The following RYR2 variants were observed in gnomAD, a reference collection of about 807,000 sequenced individuals.
RYR2 encodes the protein ryanodine receptor 2.
A neutral mutation model predicts 601.1 loss-of-function variants in RYR2; 227 were observed. The ratio of observed to expected loss-of-function variants is 0.38; its 90% CI spans 0.34 to 0.42. RYR2 has a LOEUF of 0.42. Ranked by LOEUF, RYR2 falls within the 10% of genes least tolerant of loss-of-function variation. The pLI, the probability that RYR2 is intolerant of heterozygous loss-of-function variation, is 1.00. For missense variants in RYR2, 4,646 were observed against 6,156.5 expected, an observed-to-expected ratio of 0.75 and a Z score of 8.21; for synonymous variants, 2,223 against 2,175.1, an observed-to-expected ratio of 1.02 and a Z score of -0.61.
At chr1:237,502,731 G>T (rs1004457067) in intron 21 of RYR2, among the ~76,000 whole-genome samples, 3 of 151,820 alleles carry the variant, frequency 2.0e-5, no homozygotes, top group Non-Finnish European at 4.4e-5. Flanking sequence ...AACAGGCCGC[G>T]GACTGGTACC....
At chr1:237,664,346 A>G (rs10925490) in intron 56 of RYR2, among the ~76,000 whole-genome samples, 10,155 of 152,250 alleles carry the variant, frequency 0.067, 542 homozygotes, top group Admixed American at 0.18. Flanking sequence ...GATGAAATGG[A>G]AAAAAATCTC....
intron 67 of RYR2, among the ~76,000 whole-genome samples, chr1:237,706,634 C>T (rs1048243357): frequency 1.3e-5 from 2 of 151,962 alleles, no homozygotes; most frequent in Admixed American, 6.6e-5. Flanking sequence ...GGAATGGAGG[C>T]CAAGGTGGAG....
intron 48 of RYR2, among the ~76,000 whole-genome samples, chr1:237,643,778 A>G (rs1251807044): frequency 6.6e-6 from 1 of 151,612 alleles, no homozygotes; most frequent in Admixed American, 6.6e-5. Context: ...ATGCCCGGCT[A>G]ATTTTTTTTG....
At chr1:237,367,775 C>A (rs1700320529) in intron 5 of RYR2, among the ~76,000 whole-genome samples, 1 of 152,140 alleles carries the variant, frequency 6.6e-6, no homozygotes, top group Non-Finnish European at 1.5e-5. Flanking sequence ...TTGCTTCCTC[C>A]TTCTTACACA....
At chr1:237,624,645 A>C (rs940786653) in intron 39 of RYR2, among the ~76,000 whole-genome samples, 5 of 152,212 alleles carry the variant, frequency 3.3e-5, no homozygotes, top group African/African-American at 9.7e-5. Context: ...GAAACCCTAC[A>C]TTAAGTTGTT....
chr1:237,424,286 T>C (rs1705893978), intron 12 of RYR2, among the ~76,000 whole-genome samples: 1 of 152,216 alleles, frequency 6.6e-6, no homozygotes, highest in Non-Finnish European at 1.5e-5. Context: ...GGCAAAACTT[T>C]GTTCTTTTAA....
At chr1:237,635,247 T>G (rs1680758175) in intron 44 of RYR2, among the ~76,000 whole-genome samples, 1 of 152,194 alleles carries the variant, frequency 6.6e-6, no homozygotes, top group South Asian at 2.1e-4. Flanking sequence ...TACATTATAT[T>G]GTAGTTAGAA....
At chr1:237,175,940 A>T (rs1677991185) in intron 1 of RYR2, among the ~76,000 whole-genome samples, 1 of 152,162 alleles carries the variant, frequency 6.6e-6, no homozygotes, top group Admixed American at 6.5e-5. Flanking sequence ...ATTTAAAGTT[A>T]TGTTTTCTGG....
At chr1:237,627,762 C>T (rs773322712) in intron 40 of RYR2, 45 bp from the exon 41 acceptor site, 15 of 1,509,552 alleles carry the variant, frequency 9.9e-6, no homozygotes, top group Non-Finnish European at 1.1e-5. Context: ...ACTGATTTGT[C>T]TTCTCTTATT....
chr1:237,594,886 G>GTTTTTTTTTTTT (rs776702428), intron 33 of RYR2, among the ~76,000 whole-genome samples: 2 of 60,420 alleles, frequency 3.3e-5, no homozygotes, highest in African/African-American at 9.5e-5. Flanking sequence ...ATATCACTGG[G>GTTTTTTTTTTTT]TTTTTTTTTT....
At chr1:237,079,716 C>T (rs1166239913) in intron 1 of RYR2, among the ~76,000 whole-genome samples, 1 of 140,048 alleles carries the variant, frequency 7.1e-6, no homozygotes, top group Non-Finnish European at 1.5e-5. Flanking sequence ...AGGTAATTTA[C>T]AGATTCAATG....
intron 4 of RYR2, among the ~76,000 whole-genome samples, chr1:237,358,743 T>C (rs1699519195): frequency 6.6e-6 from 1 of 152,034 alleles, no homozygotes; most frequent in African/African-American, 2.4e-5. Flanking sequence ...CCCAGCCTTT[T>C]GCCTCTCAAT....
chr1:237,456,944 C>CA lies in RYR2; in HGVS notation c.1612+217dup, dbSNP rs554435392. ...ATAAAATAAAAATCAAACACAAAAGCAAAAAAAATCACATAATAGCTACAG... is the reference window on the plus strand; with the variant it reads ...ATAAAATAAAAATCAAACACAAAAGCAAAAAAAAATCACATAATAGCTACAG... On this transcript the variant is annotated intron_variant, in intron 16 of 104. Transcript: ENST00000366574. Among the ~76,000 whole-genome samples, 11 of 151,450 alleles carry CA rather than the reference C, an allele frequency of 7.3e-5. No homozygotes were observed. In the South Asian group the frequency reaches 1.0e-3, roughly 14 times the overall value.
At chr1:237,340,893 T>C (rs1228535275) in intron 3 of RYR2, among the ~76,000 whole-genome samples, 2 of 152,254 alleles carry the variant, frequency 1.3e-5, no homozygotes, top group African/African-American at 4.8e-5. Flanking sequence ...ATTATCCATC[T>C]GTCACTTAGG....
intron 1 of RYR2, among the ~76,000 whole-genome samples, chr1:237,133,954 A>T (rs1672470991): frequency 7.0e-6 from 1 of 142,754 alleles, no homozygotes; most frequent in African/African-American, 2.5e-5. Context: ...AGTGGGAGTC[A>T]TCCCTTAGTT....
intron 3 of RYR2, among the ~76,000 whole-genome samples, chr1:237,340,403 A>G (rs961070988): frequency 1.3e-5 from 2 of 152,316 alleles, no homozygotes; most frequent in Non-Finnish European, 2.9e-5. Flanking sequence ...AAGAGAGAAG[A>G]TAAATATAAT....
At position 237,138,016 on chromosome 1, in the gene RYR2, A is replaced by ATATTT. The variant is rs376745141; in HGVS notation, c.48+95474_48+95478dup. On this transcript the variant is annotated intron_variant, in intron 1 of 104. Transcript: ENST00000366574. ...TAATTTTACCACTTTTGCACTGGATATATTTTATTTTATTTTATTTTATTT... is the reference window on the plus strand; with the variant it reads ...TAATTTTACCACTTTTGCACTGGATATATTTTATTTTATTTTATTTTATTTTATTT... Among the ~76,000 whole-genome samples, 752 of 151,488 alleles carry ATATTT rather than the reference A, an allele frequency of 5.0e-3. 10 individuals carry two copies. The highest frequency in any genetic ancestry group is 0.013 in the African/African-American group (528 of 41,028).
intron 27 of RYR2, among the ~76,000 whole-genome samples, chr1:237,557,681 A>C (rs1408177320): frequency 1.3e-5 from 2 of 151,832 alleles, no homozygotes; most frequent in Non-Finnish European, 2.9e-5. Flanking sequence ...ATAGATGAGG[A>C]GTGTTGGAGA....
chr1:237,672,845 C>T (rs116261885), intron 58 of RYR2, among the ~76,000 whole-genome samples: 1,860 of 152,114 alleles, frequency 0.012, 11 homozygotes, highest in Non-Finnish European at 0.018. Context: ...ACCTGAATTC[C>T]TTATTATGGT....
Sources: allele counts gnomAD v4.1 joint callset (sites outside exome capture counted in the v4.1 genomes callset), GRCh38; gene constraint gnomAD v4.1.1; transcripts MANE v1.5; gene names NCBI Gene and HGNC (gene_info 2026-07-23, HGNC 2026-07-21).